TINAG: variants seen among roughly 807,000 people sequenced by gnomAD.
TINAG encodes tubulointerstitial nephritis antigen.
In TINAG, 83 loss-of-function variants were observed where a neutral mutation model predicts 72.7. The observed-to-expected ratio is 1.14, with a 90% CI of 0.96 to 1.37. The LOEUF is 1.37. Ranked by LOEUF, TINAG falls within the 40% of genes most tolerant of loss-of-function variation. The pLI is 0.00. For missense variants in TINAG, 685 were observed against 576.6 expected (o/e 1.19, Z -1.93); for synonymous variants, 234 against 189.9 (o/e 1.23, Z -1.91).
chr6:54,348,850 G>A (rs2150958974), intron 6 of TINAG, among the ~76,000 whole-genome samples: 1 of 152,150 alleles, frequency 6.6e-6, no homozygotes, highest in South Asian at 2.1e-4. Flanking sequence ...CAATGGTTTT[G>A]CTTTTGTCAT....
At chr6:54,374,545 T>A (rs1763725088) in intron 9 of TINAG, among the ~76,000 whole-genome samples, 1 of 152,098 alleles carries the variant, frequency 6.6e-6, no homozygotes, top group Admixed American at 6.6e-5. Flanking sequence ...AAAAACGAAG[T>A]TCCTAAGCAT....
chr6:54,345,429 T>G (rs1225200901), intron 5 of TINAG, among the ~76,000 whole-genome samples: 1 of 152,010 alleles, frequency 6.6e-6, no homozygotes, highest in African/African-American at 2.4e-5. Context: ...GAGGCCCAAA[T>G]AGGTAAAGTG....
intron 10 of TINAG, among the ~76,000 whole-genome samples, chr6:54,384,254 A>T (rs1764032220): frequency 6.6e-6 from 1 of 152,144 alleles, no homozygotes. Context: ...CCTAATGTAG[A>T]TGATGAGTTG....
At chr6:54,383,489 A>G (rs544790029) in intron 10 of TINAG, among the ~76,000 whole-genome samples, 1 of 152,090 alleles carries the variant, frequency 6.6e-6, no homozygotes, top group African/African-American at 2.4e-5. Flanking sequence ...TTGTGTTTTT[A>G]AAAAAATGAG....
intron 4 of TINAG, among the ~76,000 whole-genome samples, chr6:54,330,889 TCCCAGGACTAAA>T: frequency 6.6e-6 from 1 of 152,224 alleles, no homozygotes; most frequent in African/African-American, 2.4e-5. Flanking sequence ...ACATACACCC[TCCCAGGACTAAA>T]CCAGGAAGAA....
intron 1 of TINAG, among the ~76,000 whole-genome samples, chr6:54,313,641 G>A (rs536477760): frequency 2.6e-5 from 4 of 152,114 alleles, no homozygotes; most frequent in South Asian, 4.2e-4. Context: ...TACTTATCAC[G>A]TACTAATTAT....
chr6:54,322,925 T>C (rs868504435), intron 3 of TINAG, among the ~76,000 whole-genome samples: 2 of 152,190 alleles, frequency 1.3e-5, no homozygotes, highest in African/African-American at 4.8e-5. Context: ...TAGACCTAAT[T>C]AACATACATT....
intron 10 of TINAG, among the ~76,000 whole-genome samples, chr6:54,387,870 G>A (rs1764139875): frequency 6.6e-6 from 1 of 152,012 alleles, no homozygotes; most frequent in Non-Finnish European, 1.5e-5. Flanking sequence ...GGAAGAATAA[G>A]ATTAATAAAC....
At chr6:54,340,809 C>A (rs1784979394) in intron 4 of TINAG, among the ~76,000 whole-genome samples, 1 of 151,892 alleles carries the variant, frequency 6.6e-6, no homozygotes, top group Non-Finnish European at 1.5e-5. Context: ...GACGGATTCA[C>A]CATTTATATT....
intron 4 of TINAG, among the ~76,000 whole-genome samples, chr6:54,339,165 T>G (rs1784939811): frequency 6.6e-6 from 1 of 152,186 alleles, no homozygotes; most frequent in Admixed American, 6.5e-5. Context: ...TGTGTGCTGT[T>G]TTAGTTATGA....
chr6:54,349,868 GT>G lies in TINAG; in HGVS notation c.1054del (p.Ser352LeufsTer13), dbSNP rs1239745143. 1.2e-6 allele frequency: 2 copies of G among 1,606,692 alleles called. No homozygotes were observed. The highest frequency in any genetic ancestry group is 1.7e-6 in the Non-Finnish European group (2 of 1,175,534). ...NVEKSNRIYQ[C>X]SPPYRVSSNE... The stretch of plus-strand genomic sequence containing the variant: ...GAAAAATCTAACAGGATCTATCAAT[GT>G]TCTCCTCCATACAGAGTCTCTTCCA... On this transcript the variant is annotated frameshift_variant, in exon 7 of 11. Transcript: ENST00000259782. LOFTEE classifies it high-confidence loss of function.
intron 4 of TINAG, among the ~76,000 whole-genome samples, chr6:54,332,374 T>G (rs138275365): frequency 0.014 from 2,204 of 152,246 alleles, 58 homozygotes; most frequent in African/African-American, 0.05. Flanking sequence ...GGGAAAGGAT[T>G]CCCTATTTAA....
At chr6:54,335,035 C>A (rs926548611) in intron 4 of TINAG, among the ~76,000 whole-genome samples, 1 of 152,012 alleles carries the variant, frequency 6.6e-6, no homozygotes, top group African/African-American at 2.4e-5. Flanking sequence ...GAGGACAGAC[C>A]TTTATAAGGT....
At chr6:54,316,640 A>G (rs1182876408) in intron 1 of TINAG, among the ~76,000 whole-genome samples, 1 of 152,204 alleles carries the variant, frequency 6.6e-6, no homozygotes, top group African/African-American at 2.4e-5. Flanking sequence ...ATTTTAAAAT[A>G]AATTATAGAC....
At chr6:54,387,190 A>C (rs967829204) in intron 10 of TINAG, among the ~76,000 whole-genome samples, 16 of 152,190 alleles carry the variant, frequency 1.1e-4, no homozygotes, top group Admixed American at 4.6e-4. Context: ...GGAAATGCAA[A>C]TTAAGACCAC....
At chr6:54,364,559 T>A (rs950439252) in intron 9 of TINAG, among the ~76,000 whole-genome samples, 3 of 151,432 alleles carry the variant, frequency 2.0e-5, no homozygotes, top group Non-Finnish European at 4.4e-5. Context: ...ATAATTCTGA[T>A]CTCAGTGATT....
At chr6:54,330,397 T>G (rs1351931165) in intron 4 of TINAG, among the ~76,000 whole-genome samples, 1 of 152,120 alleles carries the variant, frequency 6.6e-6, no homozygotes, top group Non-Finnish European at 1.5e-5. Flanking sequence ...AATAAGTTCT[T>G]TGAAACAAAT....
chr6:54,381,070 A>G (rs954965130), intron 10 of TINAG, among the ~76,000 whole-genome samples: 1 of 149,092 alleles, frequency 6.7e-6, no homozygotes, highest in Non-Finnish European at 1.5e-5. Context: ...ACATATATGT[A>G]TATATATCCT....
rs564130729 is a variant in TINAG at position 54,350,007 on chromosome 6, ATAT to A, written c.1080+115_1080+117del. The stretch of plus-strand genomic sequence containing the variant: ...TTAAAACTATTATATTCTAAAATAA[ATAT>A]TATATTTTCATGTATAATTTTTAAT... On this transcript the variant is annotated intron_variant, in intron 7 of 10. Transcript: ENST00000259782. 290 of 671,258 alleles carry A rather than the reference ATAT, an allele frequency of 4.3e-4. No individual in the cohort carries two copies. The African/African-American group carries it at 4.7e-3, about 11-fold the overall frequency. The allele number at this position is 671,258 out of a possible 1,614,324, so 41.6% of individuals were successfully genotyped here. A position where few individuals can be genotyped will look rare whatever the true frequency, so the allele number is the denominator to read the frequency against.
Sources: allele counts gnomAD v4.1 joint callset (sites outside exome capture counted in the v4.1 genomes callset), GRCh38; gene constraint gnomAD v4.1.1; transcripts MANE v1.5; gene names NCBI Gene and HGNC (gene_info 2026-07-23, HGNC 2026-07-21).